EYS: variants seen among roughly 807,000 people sequenced by gnomAD.
The protein encoded by EYS is protein eyes shut homolog.
EYS carries 250 observed loss-of-function variants against 282.1 expected under a neutral mutation model. That is an observed-to-expected ratio of 0.89 (90% confidence interval 0.80 to 0.98). The LOEUF is 0.98. Among genes scored for constraint, EYS ranks in the 50% least tolerant of loss-of-function variants. The pLI, the probability that EYS is intolerant of heterozygous loss-of-function variation, is 0.00. For missense variants in EYS, 4,016 were observed against 3,709.0 expected, an observed-to-expected ratio of 1.08 and a Z score of -2.15; for synonymous variants, 1,355 against 1,282.9, an observed-to-expected ratio of 1.06 and a Z score of -1.20.
intron 26 of EYS, among the ~76,000 whole-genome samples, chr6:64,584,535 C>T (rs1766172585): frequency 6.6e-6 from 1 of 151,790 alleles, no homozygotes; most frequent in Admixed American, 6.6e-5. Context: ...AATAGAGTGC[C>T]TCCACTGTGA....
intron 31 of EYS, among the ~76,000 whole-genome samples, chr6:64,094,546 G>A (rs1238092524): frequency 6.6e-6 from 1 of 152,158 alleles, no homozygotes; most frequent in Non-Finnish European, 1.5e-5. Flanking sequence ...TTTGCGTAGA[G>A]GTGTTTCTAG....
chr6:64,064,486 G>C (rs1404219719), intron 33 of EYS, among the ~76,000 whole-genome samples: 1 of 152,078 alleles, frequency 6.6e-6, no homozygotes, highest in Non-Finnish European at 1.5e-5. Context: ...GCTCTTGTAG[G>C]CTATTGCCTA....
intron 2 of EYS, among the ~76,000 whole-genome samples, chr6:65,604,841 C>CCTTT (rs1397961557): frequency 8.9e-6 from 1 of 112,538 alleles, no homozygotes; most frequent in Non-Finnish European, 1.7e-5. Context: ...TTCACTGCCC[C>CCTTT]CTTTTTTTTT....
At chr6:65,396,619 T>C (rs898672545) in intron 7 of EYS, among the ~76,000 whole-genome samples, 1 of 152,122 alleles carries the variant, frequency 6.6e-6, no homozygotes, top group African/African-American at 2.4e-5. Flanking sequence ...ATGAGTAAAT[T>C]ACACTTGGTT....
Position 63,738,627 on chromosome 6 carries a change from AC to A in EYS, c.8072-11948del, listed in dbSNP as rs201369660. Among the ~76,000 whole-genome samples the A allele has an allele frequency of 5.3e-5, 8 of 150,438 alleles. No individual in the cohort carries two copies. In the East Asian group the frequency reaches 1.6e-3, roughly 30 times the overall value. On this transcript the variant is annotated intron_variant, in intron 41 of 42. Transcript: ENST00000503581. ...GGGGAGGGATAGCTTTAGGAGATAT[AC>A]CTAATGCTAAATGACGAGTTAATGG...
At chr6:64,419,239 C>T (rs562101482) in intron 28 of EYS, among the ~76,000 whole-genome samples, 1 of 152,248 alleles carries the variant, frequency 6.6e-6, no homozygotes, top group East Asian at 1.9e-4. Context: ...TTTAGCATGG[C>T]TATCATGAGA....
chr6:64,251,168 T>A (rs1767201649), intron 30 of EYS, among the ~76,000 whole-genome samples: 1 of 152,324 alleles, frequency 6.6e-6, no homozygotes, highest in East Asian at 1.9e-4. Context: ...ACAATAGAGA[T>A]AGTCTATTTA....
At chr6:65,398,340 CT>C (rs2150361248) in intron 7 of EYS, among the ~76,000 whole-genome samples, 1 of 151,986 alleles carries the variant, frequency 6.6e-6, no homozygotes, top group Admixed American at 6.6e-5. Context: ...ACAAATTGAT[CT>C]TTGAAAAAGT....
chr6:65,008,545 T>C (rs1436075335), intron 13 of EYS, among the ~76,000 whole-genome samples: 2 of 152,056 alleles, frequency 1.3e-5, no homozygotes, highest in African/African-American at 2.4e-5. Flanking sequence ...GCTGGGAAAA[T>C]TGAATGCCTA....
At chr6:64,226,241 AT>A (rs1305100848) in intron 31 of EYS, among the ~76,000 whole-genome samples, 1 of 152,078 alleles carries the variant, frequency 6.6e-6, no homozygotes, top group African/African-American at 2.4e-5. Flanking sequence ...AAGGCAGTCT[AT>A]TTTTTTAACA....
intron 1 of EYS, among the ~76,000 whole-genome samples, chr6:65,652,167 G>C (rs1010017436): frequency 6.6e-6 from 1 of 152,020 alleles, no homozygotes; most frequent in African/African-American, 2.4e-5. Flanking sequence ...TGAAATCAAA[G>C]AATTGATTCA....
chr6:64,219,419 A>G (rs892363673), intron 31 of EYS, among the ~76,000 whole-genome samples: 4 of 152,236 alleles, frequency 2.6e-5, no homozygotes, highest in African/African-American at 4.8e-5. Flanking sequence ...CTTGAGTACA[A>G]TCTACCAAGT....
At chr6:63,941,166 C>A (rs1195690735) in intron 35 of EYS, among the ~76,000 whole-genome samples, 1 of 152,104 alleles carries the variant, frequency 6.6e-6, no homozygotes, top group African/African-American at 2.4e-5. Context: ...GTCTTTATAG[C>A]AGCGTGATTT....
intron 31 of EYS, among the ~76,000 whole-genome samples, chr6:64,189,434 A>G (rs1765041643): frequency 6.6e-6 from 1 of 152,242 alleles, no homozygotes; most frequent in African/African-American, 2.4e-5. Flanking sequence ...GTAACATTGG[A>G]AAACAGCCAT....
chr6:64,909,667 C>G (rs1182566595), intron 16 of EYS, among the ~76,000 whole-genome samples: 1 of 152,052 alleles, frequency 6.6e-6, no homozygotes, highest in East Asian at 1.9e-4. Flanking sequence ...CTTTATTTAT[C>G]TCACAAAGCA....
intron 22 of EYS, among the ~76,000 whole-genome samples, chr6:64,707,015 A>AG (rs1771042605): frequency 6.6e-6 from 1 of 152,170 alleles, no homozygotes; most frequent in African/African-American, 2.4e-5. Context: ...ACACGTTTAT[A>AG]GTAGCAAAAT....
chr6:64,844,403 C>A (rs1281546466), intron 19 of EYS, among the ~76,000 whole-genome samples: 2 of 149,272 alleles, frequency 1.3e-5, no homozygotes, highest in Non-Finnish European at 3.0e-5. Flanking sequence ...GCTTGATACT[C>A]AATAATGAAT....
chr6:64,458,295 T>G (rs1775626844), intron 26 of EYS, among the ~76,000 whole-genome samples: 1 of 152,116 alleles, frequency 6.6e-6, no homozygotes, highest in Non-Finnish European at 1.5e-5. Context: ...AATGTTTTTG[T>G]GTTGCTTAGT....
At chr6:63,783,622 T>A (rs1025133338) in intron 39 of EYS, among the ~76,000 whole-genome samples, 1 of 152,158 alleles carries the variant, frequency 6.6e-6, no homozygotes, top group Non-Finnish European at 1.5e-5. Flanking sequence ...GGAAAAGACT[T>A]GGTGCTCCAA....
Sources: allele counts gnomAD v4.1 joint callset (sites outside exome capture counted in the v4.1 genomes callset), GRCh38; gene constraint gnomAD v4.1.1; transcripts MANE v1.5; gene names NCBI Gene and HGNC (gene_info 2026-07-23, HGNC 2026-07-21).